Variants in ELAVL2 observed in about 807,000 individuals in gnomAD.
ELAVL2 encodes ELAV-like protein 2.
In ELAVL2, 4 loss-of-function variants were observed where a neutral mutation model predicts 34.6. The observed-to-expected ratio is 0.12, with a 90% CI of 0.06 to 0.26. The LOEUF (loss-of-function observed/expected upper bound fraction) is 0.26, where lower values mean the gene tolerates loss of function less well. Among genes scored for constraint, ELAVL2 ranks in the 10% least tolerant of loss-of-function variants. ELAVL2 has a pLI of 1.00. For synonymous variants in ELAVL2, 193 were observed against 154.8 expected (o/e 1.25, Z -1.83); for missense variants, 432 against 442.8 (o/e 0.98, Z 0.22).
chr9:23,753,580 T>G (rs181155715), intron 2 of ELAVL2, among the ~76,000 whole-genome samples: 1 of 152,292 alleles, frequency 6.6e-6, no homozygotes, highest in East Asian at 1.9e-4. Flanking sequence ...TTTAAAATTC[T>G]ATAAACTACA....
the ELAVL2 span, among the ~76,000 whole-genome samples, chr9:23,849,142 C>A: frequency 1.3e-5 from 2 of 152,030 alleles, no homozygotes; most frequent in Admixed American, 1.3e-4. Context: ...GGGCAAAACC[C>A]GGAAGTCCAT....
At chr9:23,804,213 G>T (rs1457086060) in intron 1 of ELAVL2, among the ~76,000 whole-genome samples, 1 of 149,852 alleles carries the variant, frequency 6.7e-6, no homozygotes, top group African/African-American at 2.4e-5. Context: ...TCGCTCTGTC[G>T]CCCAGGCAGG....
intron 5 of ELAVL2, among the ~76,000 whole-genome samples, chr9:23,696,116 G>T (rs1342209638): frequency 2.0e-5 from 3 of 152,136 alleles, no homozygotes; most frequent in Admixed American, 1.3e-4. Flanking sequence ...ACTAAGCCAA[G>T]TTATCCACTC....
intron 2 of ELAVL2, among the ~76,000 whole-genome samples, chr9:23,738,163 G>A: frequency 6.6e-6 from 1 of 152,180 alleles, no homozygotes; most frequent in Non-Finnish European, 1.5e-5. Context: ...ACTCGCACCA[G>A]ACTTCACAAA....
intron 3 of ELAVL2, among the ~76,000 whole-genome samples, chr9:23,716,228 T>C (rs941730329): frequency 5.9e-5 from 9 of 151,816 alleles, no homozygotes; most frequent in Non-Finnish European, 1.2e-4. Context: ...GATGAGTTAA[T>C]GGGTGCAGCA....
intron 2 of ELAVL2, among the ~76,000 whole-genome samples, chr9:23,759,598 C>T (rs1025862427): frequency 8.6e-5 from 13 of 150,988 alleles, no homozygotes; most frequent in Non-Finnish European, 1.6e-4. Flanking sequence ...TTTGGAAATG[C>T]TATAATACCC....
intron 2 of ELAVL2, among the ~76,000 whole-genome samples, chr9:23,738,230 A>G (rs2048346052): frequency 6.6e-6 from 1 of 152,244 alleles, no homozygotes; most frequent in Non-Finnish European, 1.5e-5. Context: ...GGTACCACAC[A>G]GCAGGGAAAA....
chr9:23,825,009 G>A (rs1382072057), intron 1 of ELAVL2, among the ~76,000 whole-genome samples: 1 of 152,172 alleles, frequency 6.6e-6, no homozygotes, highest in Non-Finnish European at 1.5e-5. Context: ...AGCACAGCGA[G>A]GCTCCCAAGC....
chr9:23,699,812 G>GTGTTTTTTTTTTT (rs2036517077), intron 5 of ELAVL2, among the ~76,000 whole-genome samples: 1 of 82,970 alleles, frequency 1.2e-5, no homozygotes, highest in East Asian at 4.5e-4. Flanking sequence ...GGTGGCAAAG[G>GTGTTTTTTTTTTT]TTTTTTTTTT....
At chr9:23,842,825 G>A in the ELAVL2 span, among the ~76,000 whole-genome samples, 2 of 152,096 alleles carry the variant, frequency 1.3e-5, no homozygotes. Flanking sequence ...TTGGGCCACT[G>A]GCTACATATC....
At chr9:23,794,443 C>T (rs2060675196) in intron 1 of ELAVL2, among the ~76,000 whole-genome samples, 1 of 152,148 alleles carries the variant, frequency 6.6e-6, no homozygotes, top group Non-Finnish European at 1.5e-5. Context: ...AGCTGTCCTG[C>T]CAGAGTTCCT....
intron 2 of ELAVL2, among the ~76,000 whole-genome samples, chr9:23,732,045 G>A (rs919247070): frequency 2.0e-5 from 3 of 152,146 alleles, no homozygotes; most frequent in Non-Finnish European, 4.4e-5. Context: ...GTTTGAAATG[G>A]CAAGAAACAT....
chr9:23,753,183 A>G (rs574655441), intron 2 of ELAVL2, among the ~76,000 whole-genome samples: 11 of 152,288 alleles, frequency 7.2e-5, no homozygotes, highest in African/African-American at 2.6e-4. Context: ...ATATCTGTTA[A>G]AGTTGACCTT....
chr9:23,821,865 G>A (rs1373427452), intron 1 of ELAVL2: 1 of 151,400 alleles, frequency 6.6e-6, no homozygotes, highest in Admixed American at 6.6e-5. Context: ...GCGGGAAGGA[G>A]GGGCTTGCTT....
intron 1 of ELAVL2, among the ~76,000 whole-genome samples, chr9:23,790,530 C>CAT (rs2060210292): frequency 6.6e-6 from 1 of 152,128 alleles, no homozygotes; most frequent in Non-Finnish European, 1.5e-5. Flanking sequence ...TAGTATCCTT[C>CAT]ATCTCATCTG....
chr9:23,708,102 C>T (rs1259225240), intron 3 of ELAVL2, among the ~76,000 whole-genome samples: 1 of 152,070 alleles, frequency 6.6e-6, no homozygotes, highest in Non-Finnish European at 1.5e-5. Flanking sequence ...TAGTTCCCAG[C>T]CACATTAAAA....
At chr9:23,829,136 T>G (rs1052713180), upstream of ELAVL2, among the ~76,000 whole-genome samples, 6 of 152,206 alleles carry the variant, frequency 3.9e-5, no homozygotes, top group Non-Finnish European at 7.4e-5. Context: ...ATCTTCCAAG[T>G]TCCTGGCATT....
At chr9:23,699,919 C>T (rs548011648) in intron 5 of ELAVL2, among the ~76,000 whole-genome samples, 1 of 146,298 alleles carries the variant, frequency 6.8e-6, no homozygotes, top group East Asian at 2.1e-4. Flanking sequence ...ACAGTACCAC[C>T]TCTTCTCCCA....
chr9:23,812,483 T>C (rs1164209992), intron 1 of ELAVL2, among the ~76,000 whole-genome samples: 1 of 152,056 alleles, frequency 6.6e-6, no homozygotes, highest in Non-Finnish European at 1.5e-5. Context: ...TTGTTTTTAC[T>C]GATATTCAAT....
Sources: gnomAD v4.1 joint callset for allele counts (sites outside exome capture counted in the v4.1 genomes callset) on GRCh38, gnomAD v4.1.1 for gene constraint, MANE v1.5 for transcripts, NCBI Gene and HGNC (gene_info 2026-07-23, HGNC 2026-07-21) for gene names.